FANCA: variants seen among roughly 807,000 people sequenced by gnomAD.
FANCA encodes the protein FA complementation group A.
FANCA carries 236 observed loss-of-function variants against 194.3 expected under a neutral mutation model. That is an observed-to-expected ratio of 1.21 (90% confidence interval 1.09 to 1.35). FANCA has a LOEUF of 1.35. FANCA is among the 40% of genes most tolerant of loss of function. The pLI, the probability that FANCA is intolerant of heterozygous loss-of-function variation, is 0.00. For synonymous variants in FANCA, 1,014 were observed against 715.8 expected, an observed-to-expected ratio of 1.42 and a Z score of -6.65; for missense variants, 2,628 against 1,813.9, an observed-to-expected ratio of 1.45 and a Z score of -8.15.
intron 28 of FANCA, among the ~76,000 whole-genome samples, chr16:89,764,130 TA>T (rs1377626754): frequency 4.0e-5 from 6 of 151,432 alleles, no homozygotes; most frequent in Non-Finnish European, 4.4e-5. Context: ...TAGTCCCAGC[TA>T]CTGGAGAGGC....
At chr16:89,799,061 G>A (rs773181858) in intron 10 of FANCA, 105 bp downstream of exon 10, 5 of 1,614,264 alleles carry the variant, frequency 3.1e-6, no homozygotes, top group Non-Finnish European at 4.2e-6. Flanking sequence ...AGTGTGCTCA[G>A]GAGCGGGCTG....
chr16:89,798,321 A>G (rs943439527), intron 10 of FANCA: 3 of 1,023,276 alleles, frequency 2.9e-6, no homozygotes, highest in Non-Finnish European at 3.5e-6. Flanking sequence ...ACTTTGTTAC[A>G]GCAGCCCAAG....
In FANCA at chr16:89,792,627, G is replaced by A. The variant is rs17232533; in HGVS notation, c.1007-80C>T. 94,051 of 1,203,070 alleles carry A rather than the reference G, an allele frequency of 0.078. 4,338 individuals carry two copies. The highest frequency in any genetic ancestry group is 0.16 in the East Asian group (6,462 of 40,762). The allele number at this position is 1,203,070 out of a possible 1,614,324, so 74.5% of individuals were successfully genotyped here. ...TTTTTGTTAAGGACCAGCCCCACAG[G>A]GTCGGTGGGTCTCTCCCCGTGTGCG... is the stretch of plus-strand genomic sequence containing the variant. On this transcript the variant is annotated intron_variant, in intron 11 of 42. Coordinates refer to ENST00000389301, the MANE Select transcript of FANCA (RefSeq NM_000135.4).
intron 20 of FANCA, chr16:89,778,464 T>TAAAAAA (rs56664732): frequency 4.4e-5 from 9 of 203,328 alleles, no homozygotes; most frequent in Non-Finnish European, 5.3e-5. Context: ...AGACTCCATC[T>TAAAAAA]AAAAAAAAAA....
intron 7 of FANCA, 90 bp downstream of exon 7, chr16:89,805,190 T>G (rs1598176847): frequency 3.0e-6 from 3 of 991,370 alleles, no homozygotes; most frequent in Non-Finnish European, 1.6e-6. Context: ...AGACAGGCTG[T>G]TCTGCCTCGC....
chr16:89,810,978 G>A lies in FANCA; in HGVS notation c.377C>T (p.Thr126Met), dbSNP rs139160837. ...MVASSVGQICTAPAETSHPVL... is the reference protein window; with the variant it reads ...MVASSVGQICMAPAETSHPVL... ...AGGGTGACTGGTCTCCGCTGGAGCC[G>A]TGCAGATCTGTCCCACGCTAGAGGC... Residue 126 changes from threonine to methionine, a missense_variant, in exon 4 of 43, where the codon ACG becomes ATG. Physicochemically the swap from Thr to Met is moderately conservative, Grantham distance 81 (BLOSUM62 -1). Transcript: ENST00000389301. 174 of 1,614,078 alleles carry A rather than the reference G, an allele frequency of 1.1e-4. No individual in the cohort carries two copies. Among genetic ancestry groups the A allele is most frequent in the African/African-American group, 1.0e-3 (76 of 75,040 alleles).
At chr16:89,794,059 T>C (rs1468065372) in intron 11 of FANCA, among the ~76,000 whole-genome samples, 1 of 149,284 alleles carries the variant, frequency 6.7e-6, no homozygotes, top group Non-Finnish European at 1.5e-5. Flanking sequence ...CAAAAAGTTG[T>C]GTTTCAAAGC....
At chr16:89,750,839 T>C (rs1018609930) in intron 31 of FANCA, among the ~76,000 whole-genome samples, 2 of 152,162 alleles carry the variant, frequency 1.3e-5, no homozygotes, top group African/African-American at 4.8e-5. Context: ...TTCACCCAGA[T>C]TAACCTCTGG....
At chr16:89,810,845 A>T (rs745648185) in intron 4 of FANCA, 43 bp from the exon 5 acceptor site, 1 of 1,612,416 alleles carries the variant, frequency 6.2e-7, no homozygotes, top group Non-Finnish European at 8.5e-7. Flanking sequence ...AATTACCTGA[A>T]ACAATACTAA....
At chr16:89,808,145 T>C (rs2040735112) in intron 6 of FANCA, 149 bp downstream of exon 6, 2 of 759,274 alleles carry the variant, frequency 2.6e-6, no homozygotes, top group South Asian at 1.5e-5. Context: ...CCAGGTCTAG[T>C]CTAGTATAAA....
intron 33 of FANCA, among the ~76,000 whole-genome samples, chr16:89,748,307 C>CTT (rs17233525): frequency 7.2e-5 from 11 of 152,172 alleles, no homozygotes; most frequent in African/African-American, 2.6e-4. Context: ...CACCACAAGG[C>CTT]TTTTTTTACA....
intron 30 of FANCA, among the ~76,000 whole-genome samples, chr16:89,757,498 A>C (rs920516045): frequency 1.1e-4 from 17 of 152,224 alleles, no homozygotes; most frequent in African/African-American, 4.1e-4. Flanking sequence ...ACAAAGGGCC[A>C]CATACTACAT....
At position 89,749,729 on chromosome 16, in the gene FANCA, C is replaced by T. The variant is rs2143137762; in HGVS notation, c.3239+1G>A. 1.2e-6 allele frequency: 2 copies of T among 1,613,464 alleles called. No individual in the cohort carries two copies. The highest frequency in any genetic ancestry group is 1.7e-6 in the Non-Finnish European group (2 of 1,179,688). Reference sequence around the variant, plus strand: ...CCTGCCCAGGTGGTAGTAGGTGTTACCGTTTGTACATTAGCAGCTCCCTCT... The same window carrying T: ...CCTGCCCAGGTGGTAGTAGGTGTTATCGTTTGTACATTAGCAGCTCCCTCT... On this transcript the variant is annotated splice_donor_variant, in intron 32 of 42. Transcript: ENST00000389301. LOFTEE classifies it high-confidence loss of function.
Position 89,738,402 on chromosome 16 carries a change from T to C in FANCA, c.*199A>G, listed in dbSNP as rs1205246810. ...GTGTCCGGCTCAAGTAGCCTTCCTC[T>C]GCTCTGGGACCAGTGGTTTATTTTC... On this transcript the variant is annotated 3_prime_UTR_variant, in exon 43 of 43. Transcript: ENST00000389301. 2 of 1,378,102 alleles carry C rather than the reference T, an allele frequency of 1.5e-6. No homozygotes were observed. The highest frequency in any genetic ancestry group is 2.5e-5 in the East Asian group (1 of 39,988). 85.4% of individuals were successfully genotyped at this position (1,378,102 alleles called of 1,614,324 possible).
chr16:89,790,526 A>C (rs62052713), intron 14 of FANCA, among the ~76,000 whole-genome samples: 16,937 of 151,694 alleles, frequency 0.11, 1,241 homozygotes, highest in East Asian at 0.22. Context: ...GTCAGGAGTT[A>C]GAGACCAGCC....
chr16:89,808,201 A>C, intron 6 of FANCA, 93 bp downstream of exon 6: 2 of 1,230,950 alleles, frequency 1.6e-6, no homozygotes, highest in Non-Finnish European at 2.4e-6. Flanking sequence ...TCAAAGCCAG[A>C]AATCAAACCC....
At chr16:89,801,108 G>T (rs567176278) in intron 8 of FANCA, among the ~76,000 whole-genome samples, 1 of 151,084 alleles carries the variant, frequency 6.6e-6, no homozygotes, top group Non-Finnish European at 1.5e-5. Context: ...CACTTTGAGA[G>T]GCCAAGGTGG....
At chr16:89,746,369 C>G (rs535756141) in intron 35 of FANCA, among the ~76,000 whole-genome samples, 1 of 152,116 alleles carries the variant, frequency 6.6e-6, no homozygotes, top group African/African-American at 2.4e-5. Flanking sequence ...GCCATGGTGA[C>G]GGCGGTGGGG....
Position 89,812,287 on chromosome 16 carries a change from G to A in FANCA, c.284-1216C>T, listed in dbSNP as rs556129455. Reference sequence around the variant, plus strand: ...CAGGAGGCGGAGTTTGCAGTGAGCCGAGATCACGCCACTACACTGCAGTCT... The same window carrying A: ...CAGGAGGCGGAGTTTGCAGTGAGCCAAGATCACGCCACTACACTGCAGTCT... On this transcript the variant is annotated intron_variant, in intron 3 of 42. Transcript: ENST00000389301. Among the ~76,000 whole-genome samples the A allele has an allele frequency of 2.4e-4, 36 of 150,600 alleles. 1 individual carries two copies. The highest frequency in any genetic ancestry group is 7.8e-4 in the African/African-American group (32 of 41,028).
Sources: allele counts gnomAD v4.1 joint callset (sites outside exome capture counted in the v4.1 genomes callset), GRCh38; gene constraint gnomAD v4.1.1; transcripts MANE v1.5; gene names NCBI Gene and HGNC (gene_info 2026-07-23, HGNC 2026-07-21).